The following CDH13 variants were observed in gnomAD, a reference collection of about 807,000 sequenced individuals.
CDH13 encodes cadherin-13.
A neutral mutation model predicts 63.8 loss-of-function variants in CDH13; 24 were observed. That is an observed-to-expected ratio of 0.38 (90% CI 0.27 to 0.53). The LOEUF (loss-of-function observed/expected upper bound fraction) is 0.53, where lower values mean the gene tolerates loss of function less well. CDH13 is among the 20% of genes least tolerant of loss of function. CDH13 has a pLI of 0.85. For missense variants in CDH13, 1,049 were observed against 903.1 expected (o/e 1.16, Z -2.07); for synonymous variants, 503 against 355.3 (o/e 1.42, Z -4.67).
At chr16:82,878,702 A>T (rs118079821) in intron 2 of CDH13, among the ~76,000 whole-genome samples, 586 of 151,438 alleles carry the variant, frequency 3.9e-3, no homozygotes, top group Non-Finnish European at 6.3e-3. Flanking sequence ...AGACACAAGC[A>T]GTTGGCAGGG....
intron 1 of CDH13, among the ~76,000 whole-genome samples, chr16:82,690,249 A>G (rs16958296): frequency 0.16 from 24,317 of 150,942 alleles, 2,212 homozygotes; most frequent in East Asian, 0.37. Context: ...AATATGAAGA[A>G]GAATGGTGAG....
intron 1 of CDH13, among the ~76,000 whole-genome samples, chr16:82,822,661 A>C (rs1414069833): frequency 6.6e-6 from 1 of 152,084 alleles, no homozygotes; most frequent in East Asian, 1.9e-4. Context: ...CACCTGGCTA[A>C]TTTTTAATTT....
At chr16:83,171,702 C>G in intron 4 of CDH13, 1 of 720,704 alleles carries the variant, frequency 1.4e-6, no homozygotes, top group African/African-American at 1.7e-5. Context: ...ACGCCTCTCC[C>G]ATTTCCCCAG....
At chr16:83,679,895 G>T (rs535511387) in intron 10 of CDH13, among the ~76,000 whole-genome samples, 1 of 152,294 alleles carries the variant, frequency 6.6e-6, no homozygotes, top group South Asian at 2.1e-4. Context: ...AACTTGGGAT[G>T]CTGCCAGTCA....
chr16:83,724,159 G>T (rs1377820683), intron 10 of CDH13, among the ~76,000 whole-genome samples: 2 of 151,074 alleles, frequency 1.3e-5, no homozygotes, highest in Admixed American at 1.3e-4. Context: ...ATGGGTGGGT[G>T]ATGAATACAT....
In CDH13 at chr16:83,346,194, G is replaced by C. The variant is rs150092805; in HGVS notation, c.781+1188G>C. ...CTGGAGGGTGTTTAGGGGAGTGTTG[G>C]AGGCAGATGGCAGAGGAGCAATGAC... On this transcript the variant is annotated intron_variant, in intron 6 of 13. Transcript: ENST00000567109. Among the ~76,000 whole-genome samples the C allele has an allele frequency of 1.8e-4, 28 of 152,274 alleles. No individual in the cohort carries two copies. The East Asian group carries it at 5.4e-3, about 29-fold the overall frequency.
At chr16:83,089,827 A>G (rs12926360) in intron 3 of CDH13, among the ~76,000 whole-genome samples, 1 of 152,030 alleles carries the variant, frequency 6.6e-6, no homozygotes, top group African/African-American at 2.4e-5. Flanking sequence ...TTTCACGTGC[A>G]TACAGATTAC....
At chr16:82,920,112 C>T (rs912619080) in intron 2 of CDH13, among the ~76,000 whole-genome samples, 12 of 152,250 alleles carry the variant, frequency 7.9e-5, no homozygotes, top group South Asian at 2.1e-4. Context: ...CTCATGTATG[C>T]GAGAAGTCCA....
intron 10 of CDH13, among the ~76,000 whole-genome samples, chr16:83,711,602 G>C (rs976062218): frequency 1.3e-5 from 2 of 152,146 alleles, no homozygotes; most frequent in African/African-American, 4.8e-5. Context: ...CACAACCTCT[G>C]CCTTCCAGGC....
intron 3 of CDH13, among the ~76,000 whole-genome samples, chr16:83,090,808 A>G (rs906747160): frequency 6.6e-6 from 1 of 152,110 alleles, no homozygotes. Context: ...TCATTACAAT[A>G]CAGACTAATA....
chr16:83,106,569 CA>C (rs542055458), intron 3 of CDH13, among the ~76,000 whole-genome samples: 3 of 152,040 alleles, frequency 2.0e-5, no homozygotes, highest in South Asian at 2.1e-4. Flanking sequence ...CAATACAAAA[CA>C]AAAAAACAAG....
intron 1 of CDH13, among the ~76,000 whole-genome samples, chr16:82,687,771 C>G (rs1915227993): frequency 6.6e-6 from 1 of 152,138 alleles, no homozygotes. Context: ...GCCTTCCATT[C>G]TGATCTCATT....
At chr16:82,693,625 C>G (rs1266616950) in intron 1 of CDH13, among the ~76,000 whole-genome samples, 1 of 152,206 alleles carries the variant, frequency 6.6e-6, no homozygotes, top group African/African-American at 2.4e-5. Flanking sequence ...GATGCAGGAC[C>G]ACATCCAAAT....
intron 2 of CDH13, among the ~76,000 whole-genome samples, chr16:82,879,540 C>A (rs2040620436): frequency 1.5e-5 from 2 of 137,872 alleles, no homozygotes; most frequent in African/African-American, 2.7e-5. Flanking sequence ...TTAATATATA[C>A]TATATAATAT....
At chr16:83,756,213 G>A (rs1913494702) in intron 11 of CDH13, among the ~76,000 whole-genome samples, 1 of 152,036 alleles carries the variant, frequency 6.6e-6, no homozygotes, top group African/African-American at 2.4e-5. Flanking sequence ...TGGCCAAATA[G>A]AACAACAAGG....
intron 6 of CDH13, among the ~76,000 whole-genome samples, chr16:83,482,192 C>G (rs978840593): frequency 2.0e-5 from 3 of 152,160 alleles, no homozygotes; most frequent in African/African-American, 7.2e-5. Context: ...TGAGGCAACA[C>G]TACAGTGAAT....
chr16:83,379,965 A>AGAGAGG (rs2151415728), intron 6 of CDH13, among the ~76,000 whole-genome samples: 1 of 149,418 alleles, frequency 6.7e-6, no homozygotes, highest in African/African-American at 2.5e-5. Context: ...AGAGAGAGAG[A>AGAGAGG]GACTGTCCCA....
At chr16:83,731,756 T>C (rs1283175450) in intron 10 of CDH13, among the ~76,000 whole-genome samples, 1 of 152,234 alleles carries the variant, frequency 6.6e-6, no homozygotes, top group Non-Finnish European at 1.5e-5. Context: ...TTTCTCGTCT[T>C]CTGGCAAGTC....
At chr16:82,715,827 C>T (rs1034925739) in intron 1 of CDH13, among the ~76,000 whole-genome samples, 1 of 152,168 alleles carries the variant, frequency 6.6e-6, no homozygotes, top group Non-Finnish European at 1.5e-5. Context: ...TCCTACCTGC[C>T]TTTTTTATTT....
Sources: gnomAD v4.1 joint callset for allele counts (sites outside exome capture counted in the v4.1 genomes callset) on GRCh38, gnomAD v4.1.1 for gene constraint, MANE v1.5 for transcripts, NCBI Gene and HGNC (gene_info 2026-07-23, HGNC 2026-07-21) for gene names.